CTTNBP2: variants seen among roughly 807,000 people sequenced by gnomAD.
CTTNBP2 encodes cortactin-binding protein 2.
CTTNBP2 carries 108 observed loss-of-function variants against 156.9 expected under a neutral mutation model. That is an observed-to-expected ratio of 0.69 (90% confidence interval 0.59 to 0.81). The LOEUF (loss-of-function observed/expected upper bound fraction) is 0.81, where lower values mean the gene tolerates loss of function less well. Ranked by LOEUF, CTTNBP2 falls within the 30% of genes least tolerant of loss-of-function variation. CTTNBP2 has a pLI of 0.00. For synonymous variants in CTTNBP2, 767 were observed against 751.8 expected (o/e 1.02, Z -0.33); for missense variants, 1,924 against 2,035.4 (o/e 0.95, Z 1.05).
chr7:117,737,989 C>A (rs780910700), intron 14 of CTTNBP2, among the ~76,000 whole-genome samples: 2 of 152,172 alleles, frequency 1.3e-5, no homozygotes, highest in African/African-American at 2.4e-5. Flanking sequence ...GTTATAAAAG[C>A]GTCATCATGG....
At chr7:117,734,858 C>T in intron 16 of CTTNBP2, 55 bp downstream of exon 16, 1 of 1,428,388 alleles carries the variant, frequency 7.0e-7, no homozygotes, top group East Asian at 2.4e-5. Flanking sequence ...CTGAGATCTC[C>T]TGACAACAAA....
chr7:117,850,481 A>C (rs1366883666), intron 2 of CTTNBP2, among the ~76,000 whole-genome samples: 1 of 152,244 alleles, frequency 6.6e-6, no homozygotes, highest in Non-Finnish European at 1.5e-5. Context: ...TTGAAAAGCA[A>C]GAAATTCATG....
At position 117,728,176 on chromosome 7, in the gene CTTNBP2, G is replaced by A. The variant is rs771517669; in HGVS notation, c.3968C>T (p.Ala1323Val). The change falls in exon 17 of 23, where the codon GCC becomes GTC. Residue 1323 changes from alanine to valine, a missense_variant. By Grantham distance (64) the Ala-to-Val change is moderately conservative. Coordinates refer to ENST00000160373, the MANE Select transcript of CTTNBP2 (RefSeq NM_033427.3). ...AAGTGCTTCAGGTGTGCCCAAGCGG[G>A]CCAGGCAGGAGTTAAGCTGACGCCA... ...SVWRQLNSCL[A>V]RLGTPEALLG... is the part of the protein sequence containing the mutation. 2.7e-5 allele frequency: 43 copies of A among 1,614,028 alleles called. No individual in the cohort carries two copies. Among genetic ancestry groups the A allele is most frequent in the Non-Finnish European group, 3.5e-5 (41 of 1,179,992 alleles).
chr7:117,862,082 G>A (rs925765772), intron 1 of CTTNBP2, among the ~76,000 whole-genome samples: 4 of 151,860 alleles, frequency 2.6e-5, no homozygotes, highest in Non-Finnish European at 5.9e-5. Flanking sequence ...CACATACACA[G>A]TACAGGCACA....
At chr7:117,739,756 G>A (rs558275379) in intron 14 of CTTNBP2, among the ~76,000 whole-genome samples, 153 of 152,232 alleles carry the variant, frequency 1.0e-3, no homozygotes, top group Non-Finnish European at 2.1e-3. Flanking sequence ...CTGGAGGAAC[G>A]ATGTTCTGAG....
In CTTNBP2 at chr7:117,719,073, A is replaced by C. The variant is rs575296506; in HGVS notation, c.4644+431T>G. 3.3e-5 allele frequency among the ~76,000 whole-genome samples: 5 copies of C among 152,054 alleles called. No individual in the cohort carries two copies. In the East Asian group the frequency reaches 9.7e-4, roughly 30 times the overall value. ...ATTAGCCAGGCGTTGTGGGGGACAC[A>C]CCTGTAATCCCAGCTACTTGGGAGG... On this transcript the variant is annotated intron_variant, in intron 21 of 22. Transcript: ENST00000160373.
At chr7:117,812,760 T>TTCAG (rs544721196) in intron 2 of CTTNBP2, among the ~76,000 whole-genome samples, 125 of 152,118 alleles carry the variant, frequency 8.2e-4, no homozygotes, top group African/African-American at 2.8e-3. Flanking sequence ...TTAATATTTA[T>TTCAG]TCAGTGTAGC....
In CTTNBP2 at chr7:117,734,941, C is replaced by T. The variant is rs763044974; in HGVS notation, c.3848G>A (p.Arg1283Lys). The change falls in exon 16 of 23, where the codon AGG becomes AAG. Residue 1283 changes from arginine to lysine, a missense_variant. Transcript: ENST00000160373. ...ATTCACAACTTTCCTTCGTAAGAAC[C>T]TCTGCAGCAGTCCTTGCATGGGCTC... is the stretch of plus-strand genomic sequence containing the variant. ...DGEPMQGLLQ[R>K]FLRRKVVNKF... 4 of 1,607,370 alleles carry T rather than the reference C, an allele frequency of 2.5e-6. No homozygotes were observed. Among genetic ancestry groups the T allele is most frequent in the Non-Finnish European group, 3.4e-6 (4 of 1,175,654 alleles).
At chr7:117,817,838 T>C (rs1284612740) in intron 2 of CTTNBP2, among the ~76,000 whole-genome samples, 1 of 152,194 alleles carries the variant, frequency 6.6e-6, no homozygotes, top group African/African-American at 2.4e-5. Context: ...TAGCCATTAT[T>C]TTAATTCACA....
intron 2 of CTTNBP2, among the ~76,000 whole-genome samples, chr7:117,841,733 T>C (rs536782983): frequency 6.6e-6 from 1 of 152,344 alleles, no homozygotes; most frequent in South Asian, 2.1e-4. Flanking sequence ...GATGAATGCA[T>C]GATTATACAG....
intron 12 of CTTNBP2, among the ~76,000 whole-genome samples, chr7:117,748,100 A>G (rs1796434295): frequency 6.6e-6 from 1 of 152,184 alleles, no homozygotes; most frequent in South Asian, 2.1e-4. Flanking sequence ...AGACACAGGA[A>G]AGACTACCCT....
At chr7:117,836,709 G>A (rs35257069) in intron 2 of CTTNBP2, among the ~76,000 whole-genome samples, 21,977 of 152,212 alleles carry the variant, frequency 0.14, 2,028 homozygotes, top group African/African-American at 0.27. Context: ...GACATTGGGT[G>A]ATTTATACAG....
intron 2 of CTTNBP2, among the ~76,000 whole-genome samples, chr7:117,838,449 T>G (rs1220555643): frequency 6.6e-6 from 1 of 152,202 alleles, no homozygotes; most frequent in Admixed American, 6.5e-5. Context: ...GGGGATAACT[T>G]AGACTACAGC....
At chr7:117,830,226 A>T (rs529436700) in intron 2 of CTTNBP2, among the ~76,000 whole-genome samples, 3 of 152,226 alleles carry the variant, frequency 2.0e-5, no homozygotes, top group Admixed American at 6.5e-5. Context: ...AAATACATGC[A>T]CAAGTACATG....
intron 2 of CTTNBP2, among the ~76,000 whole-genome samples, chr7:117,846,912 CT>C (rs199854672): frequency 0.014 from 2,113 of 151,976 alleles, 16 homozygotes; most frequent in Non-Finnish European, 0.02. Flanking sequence ...AAAGGGGCAG[CT>C]TAACTTGTTA....
chr7:117,755,077 A>G (rs1183385297), intron 12 of CTTNBP2, among the ~76,000 whole-genome samples: 1 of 152,168 alleles, frequency 6.6e-6, no homozygotes, highest in East Asian at 1.9e-4. Context: ...CACACCCTTC[A>G]ACCTTCACTT....
At chr7:117,813,639 C>T (rs891590742) in intron 2 of CTTNBP2, among the ~76,000 whole-genome samples, 10 of 152,066 alleles carry the variant, frequency 6.6e-5, no homozygotes, top group South Asian at 2.1e-4. Context: ...AAGATCTCCG[C>T]GTCTATCTCT....
intron 2 of CTTNBP2, among the ~76,000 whole-genome samples, chr7:117,840,849 G>A (rs1018129788): frequency 6.6e-6 from 1 of 152,134 alleles, no homozygotes; most frequent in Non-Finnish European, 1.5e-5. Flanking sequence ...AAGGAAGAAT[G>A]GGTCTGGGTA....
intron 2 of CTTNBP2, among the ~76,000 whole-genome samples, chr7:117,852,404 T>A (rs922487726): frequency 3.3e-5 from 5 of 151,830 alleles, no homozygotes; most frequent in African/African-American, 1.2e-4. Context: ...GCAAAGATGG[T>A]CAGGGTGGAA....
Sources: allele counts gnomAD v4.1 joint callset (sites outside exome capture counted in the v4.1 genomes callset), GRCh38; gene constraint gnomAD v4.1.1; transcripts MANE v1.5; gene names NCBI Gene and HGNC (gene_info 2026-07-23, HGNC 2026-07-21).